AMY2B: variants seen among roughly 807,000 people sequenced by gnomAD.
The protein encoded by AMY2B is alpha-amylase 2B.
AMY2B carries 63 observed loss-of-function variants against 59.3 expected under a neutral mutation model. The observed-to-expected ratio is 1.06, with a 90% confidence interval of 0.87 to 1.31. The LOEUF (loss-of-function observed/expected upper bound fraction) is 1.31, where lower values mean the gene tolerates loss of function less well. Among genes scored for constraint, AMY2B ranks in the 50% most tolerant of loss-of-function variants. The pLI, the probability that AMY2B is intolerant of heterozygous loss-of-function variation, is 0.00. For synonymous variants in AMY2B, 180 were observed against 198.1 expected (o/e 0.91, Z 0.77); for missense variants, 635 against 626.7 (o/e 1.01, Z -0.14).
rs201535188 is a variant in AMY2B, at chr1:103,573,883, A to G, written c.689A>G (p.His230Arg). The G allele has an allele frequency of 2.5e-6, 4 of 1,613,910 alleles. No homozygotes were observed. The highest frequency in any genetic ancestry group is 3.3e-5 in the Admixed American group (2 of 60,002). ...ATAAAGGCAATTTTGGACAAACTGC[A>G]TAATCTAAACAGTAACTGGTTCCCT... ...GDIKAILDKLHNLNSNWFPAG... is the reference protein window; with the variant it reads ...GDIKAILDKLRNLNSNWFPAG... The change falls in exon 4 of 10, where the codon CAT becomes CGT. Residue 230 changes from histidine to arginine, a missense_variant. By Grantham distance (29) the His-to-Arg change is conservative. Transcript: ENST00000684275.
At chr1:103,578,540 A>G (rs1158835468) in intron 9 of AMY2B, among the ~76,000 whole-genome samples, 1 of 152,178 alleles carries the variant, frequency 6.6e-6, no homozygotes, top group Admixed American at 6.5e-5. Context: ...ACTGATACTC[A>G]TACTTAGCTC....
chr1:103,576,443 A>G (rs552197078), intron 7 of AMY2B, among the ~76,000 whole-genome samples: 25 of 152,242 alleles, frequency 1.6e-4, no homozygotes, highest in African/African-American at 5.8e-4. Context: ...GTCACAGAGT[A>G]TTTTTATTTT....
Position 103,573,901 on chromosome 1 carries a change from G to T in AMY2B, c.707G>T (p.Trp236Leu), listed in dbSNP as rs746494273. The T allele has an allele frequency of 2.5e-6, 4 of 1,613,624 alleles. No individual in the cohort carries two copies. The highest frequency in any genetic ancestry group is 1.7e-4 in the Middle Eastern group (1 of 6,048). Reference sequence around the variant, plus strand: ...AAACTGCATAATCTAAACAGTAACTGGTTCCCTGCAGGAAGTAAACCTTTC... The same window carrying T: ...AAACTGCATAATCTAAACAGTAACTTGTTCCCTGCAGGAAGTAAACCTTTC... ...LDKLHNLNSN[W>L]FPAGSKPFIY... The change falls in exon 4 of 10, where the codon TGG becomes TTG. Residue 236 changes from tryptophan to leucine, a missense_variant. Physicochemically the swap from Trp to Leu is moderately conservative, Grantham distance 61. Coordinates refer to ENST00000684275, the MANE Select transcript of AMY2B (RefSeq NM_001387437.1).
upstream of AMY2B, chr1:103,568,379 T>C (rs1284272350): frequency 6.6e-6 from 1 of 152,194 alleles, no homozygotes; most frequent in Non-Finnish European, 1.5e-5. Flanking sequence ...AATATTTGCC[T>C]ACAGGGAGAA....
chr1:103,571,376 G>T (rs576940735), upstream of AMY2B: 2 of 1,144,356 alleles, frequency 1.7e-6, no homozygotes, highest in South Asian at 1.7e-5. Context: ...TAAAAGTGCT[G>T]CCAGAACCAA....
At chr1:103,568,993 A>T (rs1013885479), upstream of AMY2B, 4 of 152,144 alleles carry the variant, frequency 2.6e-5, no homozygotes, top group Non-Finnish European at 1.5e-5. Flanking sequence ...AAGGGGAAGC[A>T]AACCCATCCT....
chr1:103,576,195 T>C (rs1411523582), intron 7 of AMY2B, among the ~76,000 whole-genome samples: 3 of 152,288 alleles, frequency 2.0e-5, no homozygotes, highest in African/African-American at 7.2e-5. Flanking sequence ...AGGTTTTCTT[T>C]AAACTAAAGG....
intron 1 of AMY2B, chr1:103,565,039 C>A (rs981576744): frequency 6.6e-6 from 1 of 152,124 alleles, no homozygotes; most frequent in Non-Finnish European, 1.5e-5. Context: ...TCCACCAAGT[C>A]TGTTATATCT....
At chr1:103,570,950 A>G, upstream of AMY2B, 1 of 346,462 alleles carries the variant, frequency 2.9e-6, no homozygotes, top group South Asian at 2.4e-5. Context: ...TTCATGGCTA[A>G]AAACGTACTT....
At position 103,573,818 on chromosome 1, in the gene AMY2B, G is replaced by T. The variant is rs571635275; in HGVS notation, c.624G>T (p.Gly208=). 1.2e-6 allele frequency: 2 copies of T among 1,613,724 alleles called. No homozygotes were observed. The highest frequency in any genetic ancestry group is 1.7e-5 in the Admixed American group (1 of 59,968). ...ATCTCATTGACATTGGTGTTGCAGG[G>T]TTCAGACTTGATGCTTCCAAGCACA... ...MNHLIDIGVA[G]FRLDASKHMW... The change falls in exon 4 of 10, where the codon GGG becomes GGT. Residue 208 remains glycine (G), a synonymous_variant. Transcript: ENST00000684275.
intron 7 of AMY2B, chr1:103,575,917 G>C (rs1652335831): frequency 5.6e-6 from 1 of 178,946 alleles, no homozygotes; most frequent in African/African-American, 2.4e-5. Context: ...TCTGCCCACA[G>C]TAAGAACAAT....
upstream of AMY2B, chr1:103,570,501 A>G: frequency 1.6e-6 from 1 of 642,180 alleles, no homozygotes; most frequent in Non-Finnish European, 3.0e-6. Flanking sequence ...GGAGATCACC[A>G]CCCGGGCACC....
At chr1:103,575,199 A>G (rs752611696) in intron 5 of AMY2B, 24 bp from the exon 6 acceptor site, 17 of 1,612,782 alleles carry the variant, frequency 1.1e-5, no homozygotes, top group Admixed American at 3.3e-5. Context: ...ATACATCAAC[A>G]TATATCTTAT....
chr1:103,569,904 A>G, upstream of AMY2B: 1 of 464,326 alleles, frequency 2.2e-6, no homozygotes. Flanking sequence ...AACAGAGAGA[A>G]GATGACTCAG....
chr1:103,565,054 T>G (rs1213754085), intron 1 of AMY2B: 1 of 152,156 alleles, frequency 6.6e-6, no homozygotes, highest in Non-Finnish European at 1.5e-5. Flanking sequence ...ATATCTCCCC[T>G]CTCTGTTTTA....
Position 103,571,747 on chromosome 1 carries a change from C to T in AMY2B, c.145C>T (p.Pro49Ser), listed in dbSNP as rs141409903. The change falls in exon 1 of 10, where the codon CCC (proline) becomes TCC (serine). Residue 49 changes from proline to serine, a missense_variant. Transcript: ENST00000684275. The stretch of plus-strand genomic sequence containing the variant: ...TCTTGAATGTGAGCGATATTTAGCT[C>T]CCAAGGGATTTGGAGGGGTTCAGGT... ...IALECERYLAPKGFGGVQVSP... is the reference protein window; with the variant it reads ...IALECERYLASKGFGGVQVSP... The T allele has an allele frequency of 2.2e-5, 36 of 1,611,720 alleles. No homozygotes were observed. The African/African-American group carries it at 3.6e-4, about 16-fold the overall frequency.
chr1:103,574,313 C>G lies in AMY2B; in HGVS notation c.798C>G (p.Gly266=). 6.2e-7 allele frequency: 1 copy of G among 1,611,400 alleles called. No homozygotes were observed. The highest frequency in any genetic ancestry group is 8.5e-7 in the Non-Finnish European group (1 of 1,179,660). ...AAAGCAGTGACTACTTTGGAAATGG[C>G]CGGGTGACAGAATTCAAGTATGGTG... The part of the protein sequence containing the change: ...PIKSSDYFGN[G]RVTEFKYGAK... The change falls in exon 5 of 10, where the codon GGC becomes GGG. Residue 266 remains glycine, a synonymous_variant. Coordinates refer to ENST00000684275, the MANE Select transcript of AMY2B (RefSeq NM_001387437.1).
At chr1:103,570,807 A>G (rs2101070919), upstream of AMY2B, 1 of 449,610 alleles carries the variant, frequency 2.2e-6, no homozygotes, top group South Asian at 1.6e-5. Context: ...AGTTGTCTTT[A>G]AAGCTTGTAT....
chr1:103,571,411 A>G, upstream of AMY2B: 1 of 1,279,868 alleles, frequency 7.8e-7, no homozygotes, highest in Non-Finnish European at 1.1e-6. Flanking sequence ...CTAAAAGGTC[A>G]TTTAGATGAT....
Sources: gnomAD v4.1 joint callset for allele counts (sites outside exome capture counted in the v4.1 genomes callset) on GRCh38, gnomAD v4.1.1 for gene constraint, MANE v1.5 for transcripts, NCBI Gene and HGNC (gene_info 2026-07-23, HGNC 2026-07-21) for gene names.